VEGFC: variants seen among roughly 807,000 people sequenced by gnomAD.
The protein encoded by VEGFC is vascular endothelial growth factor C, also known as FLT4 ligand DHM.
VEGFC carries 12 observed loss-of-function variants against 46.1 expected under a neutral mutation model. The ratio of observed to expected loss-of-function variants is 0.26; its 90% confidence interval spans 0.17 to 0.42. VEGFC has a LOEUF of 0.42. Among genes scored for constraint, VEGFC ranks in the 10% least tolerant of loss-of-function variants. The probability of loss-of-function intolerance (pLI) is 1.00; values close to 1 mark genes in which losing one functional copy is unlikely to be tolerated. For missense variants in VEGFC, 488 were observed against 529.4 expected (o/e 0.92, Z 0.77); for synonymous variants, 232 against 195.5 (o/e 1.19, Z -1.56).
At chr4:176,712,090 G>C (rs1734629660) in intron 3 of VEGFC, among the ~76,000 whole-genome samples, 1 of 152,036 alleles carries the variant, frequency 6.6e-6, no homozygotes, top group Admixed American at 6.6e-5. Flanking sequence ...GAAATACTTG[G>C]TTATGACCTA....
At chr4:176,723,396 CTT>C (rs1457517351) in intron 3 of VEGFC, among the ~76,000 whole-genome samples, 2 of 149,596 alleles carry the variant, frequency 1.3e-5, no homozygotes, top group African/African-American at 5.0e-5. Flanking sequence ...CATACGTAAA[CTT>C]TTATTTTAGG....
intron 4 of VEGFC, among the ~76,000 whole-genome samples, chr4:176,692,675 G>T (rs1734221312): frequency 6.8e-6 from 1 of 148,126 alleles, no homozygotes; most frequent in Admixed American, 6.7e-5. Context: ...CTGGGGGCAG[G>T]GCACAGACAA....
chr4:176,762,988 G>A (rs1358325095), intron 1 of VEGFC, among the ~76,000 whole-genome samples: 1 of 152,214 alleles, frequency 6.6e-6, no homozygotes, highest in Non-Finnish European at 1.5e-5. Flanking sequence ...AGACTGCAAG[G>A]AAATTTGCCT....
intron 4 of VEGFC, among the ~76,000 whole-genome samples, chr4:176,696,286 T>A (rs1044736218): frequency 2.0e-5 from 3 of 151,986 alleles, no homozygotes; most frequent in African/African-American, 7.3e-5. Context: ...TTCAGCAAAG[T>A]CTCCAGATAC....
At chr4:176,704,696 T>G (rs1380984470) in intron 4 of VEGFC, among the ~76,000 whole-genome samples, 9 of 152,212 alleles carry the variant, frequency 5.9e-5, no homozygotes, top group Non-Finnish European at 8.8e-5. Flanking sequence ...GCCACCAAGC[T>G]GTTCTTTCTA....
intron 1 of VEGFC, among the ~76,000 whole-genome samples, chr4:176,780,061 G>A (rs1735885088): frequency 6.6e-6 from 1 of 152,106 alleles, no homozygotes; most frequent in Non-Finnish European, 1.5e-5. Context: ...CTGATTGCTT[G>A]GCATTTTACA....
chr4:176,746,367 G>T (rs1299302526), intron 1 of VEGFC, among the ~76,000 whole-genome samples: 1 of 152,004 alleles, frequency 6.6e-6, no homozygotes, highest in Middle Eastern at 3.2e-3. Flanking sequence ...ATGAACAAAT[G>T]ATATGTCAGA....
rs535919493 is a variant in VEGFC, at chr4:176,770,555, A to G, written c.147+21610T>C. 2.0e-5 allele frequency among the ~76,000 whole-genome samples: 3 copies of G among 151,242 alleles called. No individual in the cohort carries two copies. In the South Asian group the frequency reaches 6.2e-4, roughly 31 times the overall value. On this transcript the variant is annotated intron_variant, in intron 1 of 6. Transcript: ENST00000618562. ...CCTGAATAGGATATTTATCTGAGAA[A>G]GCAGACCAGAATAAAGCCTCTATAC...
intron 5 of VEGFC, 67 bp downstream of exon 5, chr4:176,687,754 A>G: frequency 8.5e-7 from 1 of 1,174,774 alleles, no homozygotes; most frequent in East Asian, 2.4e-5. Flanking sequence ...TGTGGTTTTA[A>G]TATTAGAGTA....
chr4:176,730,194 T>C (rs1734940187), intron 1 of VEGFC, among the ~76,000 whole-genome samples: 1 of 152,186 alleles, frequency 6.6e-6, no homozygotes, highest in South Asian at 2.1e-4. Flanking sequence ...GGAATTTTAC[T>C]TTCATGGGAG....
intron 3 of VEGFC, among the ~76,000 whole-genome samples, chr4:176,722,876 A>T (rs1006694111): frequency 3.3e-5 from 5 of 152,184 alleles, no homozygotes; most frequent in African/African-American, 4.8e-5. Context: ...TACTGAGCAT[A>T]CACACCTACC....
intron 4 of VEGFC, among the ~76,000 whole-genome samples, chr4:176,700,948 G>A (rs1734421002): frequency 6.6e-6 from 1 of 152,204 alleles, no homozygotes; most frequent in South Asian, 2.1e-4. Context: ...CAGGAATACA[G>A]GGGAGGAGAA....
chr4:176,782,864 A>G (rs1409418274), intron 1 of VEGFC, among the ~76,000 whole-genome samples: 1 of 152,328 alleles, frequency 6.6e-6, no homozygotes, highest in East Asian at 1.9e-4. Flanking sequence ...AAATACTCCA[A>G]CTAACATCTG....
intron 4 of VEGFC, among the ~76,000 whole-genome samples, chr4:176,706,607 T>C (rs146894460): frequency 6.5e-5 from 7 of 106,910 alleles, no homozygotes; most frequent in African/African-American, 1.9e-4. Flanking sequence ...GCCTGGGTGA[T>C]AGAGTGAGAA....
chr4:176,693,425 G>A (rs1038620986), intron 4 of VEGFC, among the ~76,000 whole-genome samples: 6 of 138,390 alleles, frequency 4.3e-5, no homozygotes, highest in Non-Finnish European at 7.5e-5. Flanking sequence ...GAAGTTTAGA[G>A]AAAAAAGAAT....
chr4:176,735,736 G>C (rs1342588939), intron 1 of VEGFC, among the ~76,000 whole-genome samples: 2 of 151,922 alleles, frequency 1.3e-5, no homozygotes, highest in East Asian at 3.9e-4. Context: ...ATTTACCATT[G>C]ACCTGAAAAT....
At chr4:176,684,096 A>AT in intron 6 of VEGFC, 56 bp from the exon 7 acceptor site, 2 of 1,249,864 alleles carry the variant, frequency 1.6e-6, no homozygotes, top group Non-Finnish European at 2.3e-6. Flanking sequence ...TGGATTCATC[A>AT]TGCTACCAAG....
intron 2 of VEGFC, 69 bp from the exon 3 acceptor site, chr4:176,728,037 GC>G (rs1428109415): frequency 2.3e-6 from 3 of 1,287,142 alleles, no homozygotes; most frequent in Non-Finnish European, 2.1e-6. Context: ...CACAGCAGCT[GC>G]AAATCACTCA....
chr4:176,777,580 TAATA>T, intron 1 of VEGFC, among the ~76,000 whole-genome samples: 1 of 152,260 alleles, frequency 6.6e-6, no homozygotes. Context: ...ACTAGCTAAA[TAATA>T]AACAAATATT....
Sources: gnomAD v4.1 joint callset for allele counts (sites outside exome capture counted in the v4.1 genomes callset) on GRCh38, gnomAD v4.1.1 for gene constraint, MANE v1.5 for transcripts, NCBI Gene and HGNC (gene_info 2026-07-23, HGNC 2026-07-21) for gene names.